The following GMDS variants were observed in gnomAD, a reference collection of about 807,000 sequenced individuals.
The protein encoded by GMDS is GDP-mannose 4,6-dehydratase.
In GMDS, 20 loss-of-function variants were observed where a neutral mutation model predicts 49.9. That is an observed-to-expected ratio of 0.40 (90% CI 0.28 to 0.58). GMDS has a LOEUF of 0.58. Among genes scored for constraint, GMDS ranks in the 20% least tolerant of loss-of-function variants. The probability of loss-of-function intolerance (pLI) is 0.42; values close to 1 mark genes in which losing one functional copy is unlikely to be tolerated. For missense variants in GMDS, 362 were observed against 481.4 expected (o/e 0.75, Z 2.32); for synonymous variants, 177 against 178.6 (o/e 0.99, Z 0.07).
In GMDS at chr6:1,635,387, T is replaced by G. The variant is rs1012512562; in HGVS notation, c.988-10847A>C. Among the ~76,000 whole-genome samples, 1 of 152,158 alleles carries G rather than the reference T, an allele frequency of 6.6e-6. No homozygotes were observed. The highest frequency in any genetic ancestry group is 2.4e-5 in the African/African-American group (1 of 41,440). ...AGCTGTGTCCACTGCGCAACCAACA[T>G]GGCCCACTTTCATCCTCCGGCTGCA... On this transcript the variant is annotated intron_variant, in intron 9 of 10. Coordinates refer to ENST00000380815, the MANE Select transcript of GMDS (RefSeq NM_001500.4). The surrounding 1 kb of genome is among the most constrained non-coding windows in gnomAD (Gnocchi z 4.7).
intron 7 of GMDS, among the ~76,000 whole-genome samples, chr6:1,871,631 T>C (rs1025112589): frequency 5.3e-5 from 8 of 152,338 alleles, no homozygotes; most frequent in Admixed American, 2.6e-4. Context: ...AAAAACGTAA[T>C]GATCCTTGTT....
chr6:1,873,183 G>A (rs938077259), intron 7 of GMDS, among the ~76,000 whole-genome samples: 1 of 152,178 alleles, frequency 6.6e-6, no homozygotes, highest in Non-Finnish European at 1.5e-5. Context: ...TAGAATTAAC[G>A]AACTAAATGT....
chr6:1,819,579 G>C (rs949983416), intron 7 of GMDS, among the ~76,000 whole-genome samples: 4 of 151,854 alleles, frequency 2.6e-5, no homozygotes, highest in African/African-American at 9.7e-5. Flanking sequence ...TGGCCAACAT[G>C]GTGAAACCCT....
At chr6:1,687,684 G>A (rs967393458) in intron 9 of GMDS, among the ~76,000 whole-genome samples, 1 of 152,150 alleles carries the variant, frequency 6.6e-6, no homozygotes, top group East Asian at 1.9e-4. Context: ...GGTGAAGAAC[G>A]TGAGGGGGGT....
At chr6:2,220,198 C>T (rs1780520553) in intron 1 of GMDS, among the ~76,000 whole-genome samples, 1 of 152,216 alleles carries the variant, frequency 6.6e-6, no homozygotes, top group Non-Finnish European at 1.5e-5. Context: ...CCTCCTTATC[C>T]CTAGAGGACT....
chr6:1,932,159 C>A (rs114251853), intron 6 of GMDS, among the ~76,000 whole-genome samples: 66 of 151,622 alleles, frequency 4.4e-4, no homozygotes, highest in Admixed American at 1.1e-3. Flanking sequence ...GTACTCCAGG[C>A]AGGAGGAACG....
chr6:2,150,074 TGTAA>T lies in GMDS; in HGVS notation c.103-25347_103-25344del, dbSNP rs1241821280. Among the ~76,000 whole-genome samples, 6 of 152,182 alleles carry T rather than the reference TGTAA, an allele frequency of 3.9e-5. No individual in the cohort carries two copies. In the East Asian group the frequency reaches 7.7e-4, roughly 19 times the overall value. Reference sequence around the variant, plus strand: ...GCCACGACCCAGTATTCTTACAGTTTGTAAGTATTTTATTATTTCCTTGAAAAAA... The same window carrying T: ...GCCACGACCCAGTATTCTTACAGTTTGTATTTTATTATTTCCTTGAAAAAA... On this transcript the variant is annotated intron_variant, in intron 1 of 10. Transcript: ENST00000380815.
chr6:1,754,887 T>C (rs1767881860), intron 7 of GMDS, among the ~76,000 whole-genome samples: 1 of 152,082 alleles, frequency 6.6e-6, no homozygotes, highest in African/African-American at 2.4e-5. Flanking sequence ...CTCAAAATAA[T>C]AACAAAATAA....
chr6:2,158,421 G>T (rs1777217061), intron 1 of GMDS, among the ~76,000 whole-genome samples: 1 of 152,086 alleles, frequency 6.6e-6, no homozygotes, highest in Non-Finnish European at 1.5e-5. Flanking sequence ...ATAAATATGT[G>T]ACAACTGGTT....
chr6:2,069,774 G>C (rs1581605900), intron 4 of GMDS, among the ~76,000 whole-genome samples: 1 of 152,086 alleles, frequency 6.6e-6, no homozygotes, highest in Admixed American at 6.5e-5. Flanking sequence ...AACAACAGGT[G>C]CTGGAGAGGA....
chr6:1,662,131 G>A (rs960211333), intron 9 of GMDS, among the ~76,000 whole-genome samples: 4 of 152,156 alleles, frequency 2.6e-5, no homozygotes, highest in African/African-American at 7.2e-5. Flanking sequence ...AGCACTTCTC[G>A]GTGCCTTCTG....
At chr6:1,632,087 C>T (rs780886783) in intron 9 of GMDS, among the ~76,000 whole-genome samples, 2 of 152,136 alleles carry the variant, frequency 1.3e-5, no homozygotes, top group East Asian at 1.9e-4. Flanking sequence ...AGTCCTATAC[C>T]GAAATGTATC....
rs759121741 is a variant in GMDS at position 1,706,744 on chromosome 6, G to A, written c.987+19672C>T. 4.6e-5 allele frequency among the ~76,000 whole-genome samples: 7 copies of A among 152,272 alleles called. 1 individual carries two copies. The highest frequency in any genetic ancestry group is 4.1e-4 in the South Asian group (2 of 4,828). On this transcript the variant is annotated intron_variant, in intron 9 of 10. Coordinates refer to ENST00000380815, the MANE Select transcript of GMDS (RefSeq NM_001500.4). ...ATATGGTTGTGATCATACTGTTTGC[G>A]CATTTTTATGCTTCTTTTTTCACCC...
At chr6:2,163,078 C>G (rs1270094437) in intron 1 of GMDS, among the ~76,000 whole-genome samples, 1 of 152,212 alleles carries the variant, frequency 6.6e-6, no homozygotes. Flanking sequence ...TAAGGAAAGT[C>G]TGGACAAGTT....
chr6:2,116,079 T>C (rs1374967640), intron 3 of GMDS, among the ~76,000 whole-genome samples, 199 bp from the exon 4 acceptor site: 3 of 152,208 alleles, frequency 2.0e-5, no homozygotes, highest in Admixed American at 6.5e-5. Flanking sequence ...ATAATGCCTA[T>C]GTCTGTAAAA....
chr6:1,946,485 ATAAG>A (rs1458269593), intron 6 of GMDS, among the ~76,000 whole-genome samples: 1 of 141,408 alleles, frequency 7.1e-6, no homozygotes, highest in African/African-American at 2.7e-5. Context: ...TCAGAACTAA[ATAAG>A]TGTTACCTGC....
intron 4 of GMDS, among the ~76,000 whole-genome samples, chr6:2,000,008 ATT>A (rs1368425433): frequency 1.2e-3 from 10 of 8,076 alleles, no homozygotes; most frequent in African/African-American, 1.8e-3. Flanking sequence ...ATATATATAT[ATT>A]TTTTATATAT....
At chr6:2,030,107 A>T (rs1337457850) in intron 4 of GMDS, among the ~76,000 whole-genome samples, 3 of 152,214 alleles carry the variant, frequency 2.0e-5, no homozygotes, top group Non-Finnish European at 2.9e-5. Flanking sequence ...CACACAGCCC[A>T]TGTGGTTCCC....
intron 1 of GMDS, among the ~76,000 whole-genome samples, chr6:2,212,034 A>G (rs1478577093): frequency 6.6e-6 from 1 of 152,258 alleles, no homozygotes; most frequent in Non-Finnish European, 1.5e-5. Flanking sequence ...TAAATATAGT[A>G]TAACTGTGCA....
Sources: gnomAD v4.1 joint callset for allele counts (sites outside exome capture counted in the v4.1 genomes callset) on GRCh38, gnomAD v4.1.1 for gene constraint, Gnocchi (gnomAD v3.1) non-coding constraint, MANE v1.5 for transcripts, NCBI Gene and HGNC (gene_info 2026-07-23, HGNC 2026-07-21) for gene names.